The following COL5A3 variants were observed in gnomAD, a reference collection of about 807,000 sequenced individuals.
COL5A3 encodes collagen alpha-3(V) chain.
In COL5A3, 172 loss-of-function variants were observed where a neutral mutation model predicts 250.0. The observed-to-expected ratio is 0.69, with a 90% confidence interval of 0.61 to 0.78. The LOEUF is 0.78. Among genes scored for constraint, COL5A3 ranks in the 30% least tolerant of loss-of-function variants. The probability of loss-of-function intolerance (pLI) is 0.00; values close to 1 mark genes in which losing one functional copy is unlikely to be tolerated. For missense variants in COL5A3, 2,340 were observed against 2,334.4 expected, an observed-to-expected ratio of 1.00 and a Z score of -0.05; for synonymous variants, 937 against 900.4, an observed-to-expected ratio of 1.04 and a Z score of -0.73.
At chr19:9,964,779 C>T (rs1449789210) in intron 64 of COL5A3, among the ~76,000 whole-genome samples, 1 of 145,364 alleles carries the variant, frequency 6.9e-6, no homozygotes, top group Non-Finnish European at 1.5e-5. Context: ...AATCCCAGCA[C>T]TTTGGGAGGC....
chr19:9,992,935 T>C, intron 20 of COL5A3, 55 bp from the exon 21 acceptor site: 5 of 1,609,170 alleles, frequency 3.1e-6, no homozygotes, highest in Non-Finnish European at 4.2e-6. Context: ...CCATGTGAGC[T>C]CTAGGGGTCC....
At chr19:9,970,506 GTCT>G (rs2086828792) in intron 54 of COL5A3, 113 bp downstream of exon 54, 5 of 546,002 alleles carry the variant, frequency 9.2e-6, no homozygotes, top group East Asian at 7.0e-5. Flanking sequence ...AGTGAGTGGG[GTCT>G]GTGGGTGTGT....
chr19:9,991,495 T>A, intron 24 of COL5A3, 115 bp downstream of exon 24: 1 of 835,488 alleles, frequency 1.2e-6, no homozygotes. Context: ...TAGGGAATGT[T>A]GCAGTCTATC....
rs2087257995 is a variant in COL5A3, at chr19:9,995,624, GA to G, written c.1534-8del. On this transcript the variant is annotated splice_region_variant and splice_polypyrimidine_tract_variant and intron_variant, in intron 15 of 66. Transcript: ENST00000264828. ...CCTGCAGGCCTCGGGGACCCTAGAA[GA>G]AAGCAAAAAGGAGGAAGGAAAGGAA... 7.6e-6 allele frequency: 12 copies of G among 1,574,884 alleles called. No homozygotes were observed. The highest frequency in any genetic ancestry group is 9.5e-6 in the Non-Finnish European group (11 of 1,161,804).
chr19:9,972,566 G>A (rs1000913808), intron 51 of COL5A3, among the ~76,000 whole-genome samples: 12 of 152,164 alleles, frequency 7.9e-5, no homozygotes, highest in South Asian at 2.1e-4. Context: ...GGCCGAGCGC[G>A]GTGGCTCATG....
chr19:9,997,495 A>G, intron 10 of COL5A3, 62 bp from the exon 11 acceptor site: 1 of 1,096,730 alleles, frequency 9.1e-7, no homozygotes. Context: ...GCTGACTTTC[A>G]ACCTACCACT....
rs370972451 is a variant in COL5A3 at position 9,982,146 on chromosome 19, A to G, written c.2407-28T>C. On this transcript the variant is annotated intron_variant, in intron 31 of 66. Transcript: ENST00000264828. ...GAGTGGAGAGAATTAGAAAGAAGAC[A>G]TGAGGGTGAGGAGTGAGTGGTGGGT... The G allele has an allele frequency of 5.2e-6, 8 of 1,546,732 alleles. No homozygotes were observed. In the African/African-American group the frequency reaches 1.1e-4, roughly 21 times the overall value.
intron 1 of COL5A3, among the ~76,000 whole-genome samples, chr19:10,006,599 C>G (rs894859357): frequency 6.6e-6 from 1 of 152,154 alleles, no homozygotes; most frequent in Non-Finnish European, 1.5e-5. Context: ...ATATCCCAGG[C>G]CTGGAGCCCC....
At chr19:9,980,459 T>C (rs1046889683) in intron 35 of COL5A3, among the ~76,000 whole-genome samples, 189 bp downstream of exon 35, 2 of 152,092 alleles carry the variant, frequency 1.3e-5, no homozygotes, top group African/African-American at 4.8e-5. Context: ...ACTCCTGGGC[T>C]CAAGCAATTC....
At chr19:9,967,006 C>G (rs1235028181) in intron 62 of COL5A3, among the ~76,000 whole-genome samples, 1 of 151,784 alleles carries the variant, frequency 6.6e-6, no homozygotes, top group Non-Finnish European at 1.5e-5. Flanking sequence ...ATAGCAGAGA[C>G]AGGGAGAGAG....
intron 31 of COL5A3, among the ~76,000 whole-genome samples, chr19:9,983,005 G>A (rs957630813): frequency 2.6e-5 from 4 of 151,970 alleles, no homozygotes; most frequent in African/African-American, 4.8e-5. Flanking sequence ...ACAGGTTCAC[G>A]CCACCATGTC....
chr19:9,986,486 C>A, intron 29 of COL5A3, 64 bp from the exon 30 acceptor site: 1 of 1,598,326 alleles, frequency 6.3e-7, no homozygotes, highest in East Asian at 2.2e-5. Context: ...CTAGCCCCAG[C>A]TCATCCCCTC....
chr19:9,971,341 AAC>A (rs1370352996), intron 51 of COL5A3, 83 bp from the exon 52 acceptor site: 1 of 1,110,088 alleles, frequency 9.0e-7, no homozygotes. Context: ...TGTATCCAGG[AAC>A]AGTTTGGTTT....
intron 8 of COL5A3, 30 bp downstream of exon 8, chr19:10,001,494 G>A (rs1225773031): frequency 1.2e-6 from 2 of 1,608,640 alleles, no homozygotes; most frequent in South Asian, 1.1e-5. Context: ...CCACTCTCTT[G>A]CACCTAACCC....
At position 9,986,359 on chromosome 19, in the gene COL5A3, C is replaced by G; in HGVS notation, c.2308G>C (p.Gly770Arg). 13 of 1,600,704 alleles carry G rather than the reference C, an allele frequency of 8.1e-6. No homozygotes were observed. Among genetic ancestry groups the G allele is most frequent in the Non-Finnish European group, 1.0e-5 (12 of 1,177,124 alleles). Residue 770 changes from glycine (G) to arginine (R), a missense_variant, in exon 30 of 67, where the codon GGG becomes CGG. Gly to Arg is a moderately radical substitution (Grantham distance 125). Coordinates refer to ENST00000264828, the MANE Select transcript of COL5A3 (RefSeq NM_015719.4). ...DGPEGPKGQA[G>R]QAGEEGPPGS... The stretch of plus-strand genomic sequence containing the variant: ...GGGGGCCCCTCCTCGCCAGCCTGCC[C>G]CGCCTGCCCCTTCGGCCCCTCAGGA...
At chr19:9,989,807 G>T (rs574336527) in intron 24 of COL5A3, among the ~76,000 whole-genome samples, 8 of 152,066 alleles carry the variant, frequency 5.3e-5, no homozygotes, top group East Asian at 1.9e-4. Flanking sequence ...ATTATATGTC[G>T]CCCAGGTTGG....
Position 9,991,639 on chromosome 19 carries a change from G to A in COL5A3, c.1963C>T (p.Gln655Ter). 6.2e-7 allele frequency: 1 copy of A among 1,609,448 alleles called. No individual in the cohort carries two copies. The highest frequency in any genetic ancestry group is 8.5e-7 in the Non-Finnish European group (1 of 1,177,766). Residue 655 changes from glutamine to a stop codon, truncating the protein, a stop_gained, in exon 24 of 67, where the codon CAG (glutamine) becomes TAG (stop). Transcript: ENST00000264828. LOFTEE classifies it high-confidence loss of function. ...TCCCCAGGAGTGCCAATGAGTCCCT[G>A]GGGACCGGGGAGTCCCTGGAGACAG... ...NHGSQGLPGPQGLIGTPGEKG... is the reference protein window; with the variant it reads ...NHGSQGLPGP
Position 9,980,691 on chromosome 19 carries a change from C to A in COL5A3, c.2561G>T (p.Gly854Val). ...AGGGGCTCCATCCTGGCCCACATCG[C>A]CCTAGGACAGAGTGAATGAGACTCA... ...PGATGQPGPK[G>V]DVGQDGAPGI... The change falls in exon 35 of 67, where the codon GGC (glycine) becomes GTC (valine). Residue 854 changes from glycine to valine, a missense_variant and splice_region_variant. Coordinates refer to ENST00000264828, the MANE Select transcript of COL5A3 (RefSeq NM_015719.4). 1 of 1,614,092 alleles carries A rather than the reference C, an allele frequency of 6.2e-7. No homozygotes were observed. Among genetic ancestry groups the A allele is most frequent in the Non-Finnish European group, 8.5e-7 (1 of 1,180,004 alleles).
chr19:9,988,646 C>A (rs1297691662), intron 27 of COL5A3, among the ~76,000 whole-genome samples: 2 of 151,794 alleles, frequency 1.3e-5, no homozygotes, highest in Non-Finnish European at 2.9e-5. Context: ...GCCTGGCCAA[C>A]ATGGTGAAAC....
Sources: gnomAD v4.1 joint callset for allele counts (sites outside exome capture counted in the v4.1 genomes callset) on GRCh38, gnomAD v4.1.1 for gene constraint, MANE v1.5 for transcripts, NCBI Gene and HGNC (gene_info 2026-07-23, HGNC 2026-07-21) for gene names.